MYOF: variants seen among roughly 807,000 people sequenced by gnomAD.
The protein encoded by MYOF is myoferlin.
MYOF carries 244 observed loss-of-function variants against 284.2 expected under a neutral mutation model. That is an observed-to-expected ratio of 0.86 (90% CI 0.77 to 0.95). The LOEUF is 0.95. MYOF is among the 40% of genes least tolerant of loss of function. The pLI is 0.00. For missense variants in MYOF, 2,496 were observed against 2,560.6 expected (o/e 0.97, Z 0.54); for synonymous variants, 904 against 919.7 (o/e 0.98, Z 0.31).
intron 3 of MYOF, among the ~76,000 whole-genome samples, chr10:93,435,924 T>A (rs1011492865): frequency 6.6e-6 from 1 of 151,028 alleles, no homozygotes; most frequent in African/African-American, 2.4e-5. Flanking sequence ...ATAATAATAA[T>A]AAATTATTTT....
At chr10:93,456,181 C>T (rs1299726915) in intron 2 of MYOF, among the ~76,000 whole-genome samples, 2 of 152,072 alleles carry the variant, frequency 1.3e-5, no homozygotes, top group Non-Finnish European at 2.9e-5. Flanking sequence ...TTAATATGGG[C>T]ATATGCTTAG....
At chr10:93,309,388 A>T (rs2761331) in intron 53 of MYOF, among the ~76,000 whole-genome samples, 1 of 151,966 alleles carries the variant, frequency 6.6e-6, no homozygotes, top group Non-Finnish European at 1.5e-5. Context: ...CTTCTAGGCA[A>T]GCTGCCAAAT....
At position 93,325,933 on chromosome 10, in the gene MYOF, C is replaced by G. The variant is rs1376857978; in HGVS notation, c.5164G>C (p.Ala1722Pro). ...TGAAGAGCAAGCCGCTCTTCAGGGG[C>G]CCCGAGGTGCTGGTGCAGGATTTTG... The part of the protein sequence containing the change: ...ANKILHQHLG[A>P]PEERLALHIL... The change falls in exon 46 of 54, where the codon GCC becomes CCC. Residue 1722 changes from alanine to proline, a missense_variant. By Grantham distance (27) the Ala-to-Pro change is conservative. This residue lies in a region of MYOF where 2,436 missense variants were observed against 2,480.7 expected (regional missense o/e 0.98). Transcript: ENST00000359263. 4 of 1,613,864 alleles carry G rather than the reference C, an allele frequency of 2.5e-6. No homozygotes were observed. In the African/African-American group the frequency reaches 4.0e-5, roughly 16 times the overall value.
intron 51 of MYOF, among the ~76,000 whole-genome samples, chr10:93,311,660 T>C (rs933869247): frequency 7.9e-5 from 12 of 151,696 alleles, no homozygotes; most frequent in Non-Finnish European, 1.2e-4. Flanking sequence ...TAACAGACTT[T>C]GTAACAGACT....
intron 1 of MYOF, among the ~76,000 whole-genome samples, chr10:93,457,307 G>A (rs701881): frequency 0.71 from 108,352 of 152,094 alleles, 38,983 homozygotes; most frequent in East Asian, 0.77. Flanking sequence ...GAGTTAAGAC[G>A]TTTATCTGAG....
intron 51 of MYOF, among the ~76,000 whole-genome samples, chr10:93,311,196 C>T (rs1236341279): frequency 1.3e-5 from 2 of 152,108 alleles, no homozygotes; most frequent in African/African-American, 2.4e-5. Context: ...TTCCCAGCAC[C>T]GTTTAAATGT....
chr10:93,391,101 G>T (rs1398855818), intron 17 of MYOF, among the ~76,000 whole-genome samples: 2 of 152,172 alleles, frequency 1.3e-5, no homozygotes, highest in Non-Finnish European at 2.9e-5. Flanking sequence ...TTTGCTTTTT[G>T]TTAAAGATCC....
intron 35 of MYOF, 150 bp downstream of exon 35, chr10:93,351,047 C>T: frequency 1.2e-6 from 1 of 801,992 alleles, no homozygotes; most frequent in Non-Finnish European, 2.0e-6. Context: ...CCTTCTACTC[C>T]CATGAATACC....
chr10:93,312,614 A>G (rs1453880169), intron 51 of MYOF, among the ~76,000 whole-genome samples: 1 of 150,956 alleles, frequency 6.6e-6, no homozygotes, highest in Non-Finnish European at 1.5e-5. Context: ...CCTGCCTTGG[A>G]TTACAGGCAT....
intron 1 of MYOF, among the ~76,000 whole-genome samples, chr10:93,473,758 A>G (rs1299951615): frequency 1.3e-5 from 2 of 152,178 alleles, no homozygotes; most frequent in South Asian, 2.1e-4. Context: ...ATGACTCCCT[A>G]TCCTTTCAGA....
chr10:93,402,301 A>G lies in MYOF; in HGVS notation c.921T>C (p.Asp307=), dbSNP rs774739484. The G allele has an allele frequency of 6.2e-7, 1 of 1,614,138 alleles. No homozygotes were observed. The highest frequency in any genetic ancestry group is 1.1e-5 in the South Asian group (1 of 91,082). Residue 307 remains aspartate, a synonymous_variant, in exon 11 of 54, where the codon GAT becomes GAC. Coordinates refer to ENST00000359263, the MANE Select transcript of MYOF (RefSeq NM_013451.4). ...RKWLLLNDPE[D]TSSGSKGYMK... ...TATAACCTTTAGAACCTGAACTGGT[A>G]TCTTCCGGGTCATTGAGAAGAAGCC...
At position 93,373,060 on chromosome 10, in the gene MYOF, A is replaced by G. The variant is rs200816517; in HGVS notation, c.2327T>C (p.Ile776Thr). 2 of 1,614,138 alleles carry G rather than the reference A, an allele frequency of 1.2e-6. No homozygotes were observed. Among genetic ancestry groups the G allele is most frequent in the South Asian group, 2.2e-5 (2 of 91,080 alleles). Residue 776 changes from isoleucine (I) to threonine (T), a missense_variant, in exon 24 of 54, where the codon ATC (isoleucine) becomes ACC (threonine). By Grantham distance (89) the Ile-to-Thr change is moderately conservative. Around this residue, in one of 3 missense-constraint regions of MYOF, gnomAD observed 2,436 missense variants for 2,480.7 expected, o/e 0.98. Transcript: ENST00000359263. ...CTTCTCTCCCCGGATCATCCAGATG[A>G]TGATGTCAGGCATGCTGTTCTGTGG... The part of the protein sequence containing the change: ...EEPQNSMPDI[I>T]IWMIRGEKRL...
chr10:93,465,470 TAA>T (rs1380330604), intron 1 of MYOF, among the ~76,000 whole-genome samples: 1 of 152,014 alleles, frequency 6.6e-6, no homozygotes, highest in Non-Finnish European at 1.5e-5. Flanking sequence ...CAGTAAGCAC[TAA>T]ACAAATGAGA....
intron 3 of MYOF, among the ~76,000 whole-genome samples, chr10:93,447,838 C>T (rs999968321): frequency 2.0e-5 from 3 of 152,152 alleles, no homozygotes; most frequent in East Asian, 1.9e-4. Flanking sequence ...GAGGGCCCCA[C>T]TGTGTTTTCA....
intron 4 of MYOF, among the ~76,000 whole-genome samples, chr10:93,428,118 A>G (rs1431880045): frequency 6.6e-6 from 1 of 151,870 alleles, no homozygotes; most frequent in Non-Finnish European, 1.5e-5. Flanking sequence ...CAAGGTGACC[A>G]GATAAAATCT....
At chr10:93,438,702 A>G (rs956104462) in intron 3 of MYOF, among the ~76,000 whole-genome samples, 3 of 152,160 alleles carry the variant, frequency 2.0e-5, no homozygotes, top group Non-Finnish European at 2.9e-5. Flanking sequence ...GGAAGGCAGA[A>G]GGCAACGCGG....
At chr10:93,387,127 T>C (rs1471283073) in intron 19 of MYOF, among the ~76,000 whole-genome samples, 1 of 152,236 alleles carries the variant, frequency 6.6e-6, no homozygotes, top group Admixed American at 6.5e-5. Context: ...GAAAGCTTTT[T>C]AAAAGTTGCT....
intron 1 of MYOF, among the ~76,000 whole-genome samples, chr10:93,476,426 AT>A (rs1461038879): frequency 6.6e-6 from 1 of 151,296 alleles, no homozygotes; most frequent in African/African-American, 2.4e-5. Context: ...TAATATTTCT[AT>A]TTTTAGTAGA....
intron 17 of MYOF, among the ~76,000 whole-genome samples, chr10:93,389,775 A>C (rs371291426): frequency 5.9e-5 from 9 of 152,202 alleles, no homozygotes; most frequent in African/African-American, 2.2e-4. Context: ...TTAGCAAGAC[A>C]ACTCCTCAAT....
Sources: gnomAD v4.1 joint callset for allele counts (sites outside exome capture counted in the v4.1 genomes callset) on GRCh38, gnomAD v4.1.1 for gene constraint, gnomAD v4.1.1 regional missense constraint, MANE v1.5 for transcripts, NCBI Gene and HGNC (gene_info 2026-07-23, HGNC 2026-07-21) for gene names.